Variants in BRD10 observed in about 807,000 individuals in gnomAD.
BRD10 encodes the protein bromodomain containing 10, also known as uncharacterized bromodomain-containing protein 10.
the BRD10 span, among the ~76,000 whole-genome samples, chr9:5,991,105 G>C: frequency 6.6e-6 from 1 of 151,858 alleles, no homozygotes; most frequent in African/African-American, 2.4e-5. Context: ...ATGTAAAAAA[G>C]AAGTTTCTGA....
At chr9:5,889,332 T>G in the BRD10 span, among the ~76,000 whole-genome samples, 1 of 152,158 alleles carries the variant, frequency 6.6e-6, no homozygotes, top group Non-Finnish European at 1.5e-5. Flanking sequence ...CTTAACAACT[T>G]TTTGCAGGGA....
the BRD10 span, among the ~76,000 whole-genome samples, chr9:5,973,420 T>C: frequency 6.6e-6 from 1 of 152,128 alleles, no homozygotes; most frequent in Non-Finnish European, 1.5e-5. Context: ...TGAGCTGAGA[T>C]CACACCACTG....
At chr9:5,947,487 T>G in the BRD10 span, among the ~76,000 whole-genome samples, 1 of 152,272 alleles carries the variant, frequency 6.6e-6, no homozygotes, top group African/African-American at 2.4e-5. Context: ...CAATTGTTTC[T>G]TAAAATATTT....
the BRD10 span, among the ~76,000 whole-genome samples, chr9:5,931,585 T>C: frequency 3.3e-5 from 5 of 152,216 alleles, no homozygotes; most frequent in African/African-American, 1.2e-4. Flanking sequence ...TTTAACATTA[T>C]ATGTTTTGTG....
At chr9:5,930,047 C>A in the BRD10 span, among the ~76,000 whole-genome samples, 1 of 151,452 alleles carries the variant, frequency 6.6e-6, no homozygotes, top group African/African-American at 2.4e-5. Context: ...AACATAGGAA[C>A]AATAAATTTA....
the BRD10 span, chr9:6,008,304 A>T: frequency 1.0e-6 from 1 of 984,786 alleles, no homozygotes; most frequent in Non-Finnish European, 1.2e-6. Flanking sequence ...GGGCAGAAGG[A>T]GGCGGTGCAC....
chr9:5,940,472 C>G, the BRD10 span, among the ~76,000 whole-genome samples: 2 of 152,176 alleles, frequency 1.3e-5, no homozygotes, highest in Admixed American at 6.5e-5. Flanking sequence ...GGATTACAGG[C>G]GTGAGCCACC....
the BRD10 span, among the ~76,000 whole-genome samples, chr9:5,933,339 A>T: frequency 3.3e-5 from 5 of 152,378 alleles, no homozygotes; most frequent in South Asian, 2.1e-4. Context: ...CACTTTATAA[A>T]GGGACAAGCA....
the BRD10 span, chr9:6,008,152 C>A: frequency 1.2e-5 from 12 of 981,248 alleles, no homozygotes; most frequent in East Asian, 2.3e-4. Context: ...CGCCCCACCC[C>A]CTCCCGGGCC....
the BRD10 span, among the ~76,000 whole-genome samples, chr9:5,977,728 G>T: frequency 6.6e-6 from 1 of 152,070 alleles, no homozygotes; most frequent in African/African-American, 2.4e-5. Context: ...CCAGCTACTC[G>T]GGAGGCTGAG....
the BRD10 span, among the ~76,000 whole-genome samples, chr9:5,882,436 T>C: frequency 6.6e-6 from 1 of 152,338 alleles, no homozygotes; most frequent in African/African-American, 2.4e-5. Flanking sequence ...GAGTCACTAA[T>C]GTTAAGAAAA....
chr9:5,899,651 G>A, the BRD10 span, among the ~76,000 whole-genome samples: 1 of 152,292 alleles, frequency 6.6e-6, no homozygotes, highest in Non-Finnish European at 1.5e-5. Flanking sequence ...TTTAATCTCT[G>A]CCATAGAACT....
chr9:5,920,221 A>G, the BRD10 span: 1 of 1,613,118 alleles, frequency 6.2e-7, no homozygotes, highest in Non-Finnish European at 8.5e-7. Flanking sequence ...GGCCACTGTT[A>G]AGAACTAAGG....
chr9:5,935,641 C>CT, the BRD10 span, among the ~76,000 whole-genome samples: 2 of 152,214 alleles, frequency 1.3e-5, no homozygotes, highest in Non-Finnish European at 2.9e-5. Flanking sequence ...GGTTCTCAAA[C>CT]AATTCACAGC....
chr9:5,932,706 C>T, the BRD10 span, among the ~76,000 whole-genome samples: 8 of 152,002 alleles, frequency 5.3e-5, no homozygotes, highest in East Asian at 1.9e-4. Flanking sequence ...CTGTATTTGC[C>T]GACAGAAGCA....
At chr9:5,894,651 G>A in the BRD10 span, among the ~76,000 whole-genome samples, 4 of 152,280 alleles carry the variant, frequency 2.6e-5, no homozygotes, top group South Asian at 2.1e-4. This position sits in a 1 kb window ranked among gnomAD's most constrained non-coding sequence, Gnocchi z 4.0. Context: ...TGACAATGCC[G>A]GAAAACGAGC....
chr9:5,944,365 T>C, the BRD10 span, among the ~76,000 whole-genome samples: 1 of 151,916 alleles, frequency 6.6e-6, no homozygotes, highest in African/African-American at 2.4e-5. Context: ...TTAATTATAA[T>C]TTAGACGATA....
At chr9:5,906,952 A>T in the BRD10 span, 705 of 1,600,914 alleles carry the variant, frequency 4.4e-4, 1 homozygote, top group South Asian at 1.1e-3. Flanking sequence ...GGGTTTGATC[A>T]TCGGGACAGC....
At chr9:5,935,615 T>A in the BRD10 span, among the ~76,000 whole-genome samples, 3 of 152,232 alleles carry the variant, frequency 2.0e-5, no homozygotes, top group African/African-American at 7.2e-5. Flanking sequence ...GATCCATATA[T>A]GCTATCAGAA....
Sources: gnomAD v4.1 joint callset for allele counts (sites outside exome capture counted in the v4.1 genomes callset) on GRCh38, gnomAD v4.1.1 for gene constraint, Gnocchi (gnomAD v3.1) non-coding constraint, MANE v1.5 for transcripts, NCBI Gene and HGNC (gene_info 2026-07-23, HGNC 2026-07-21) for gene names.